MRRF: variants seen among roughly 807,000 people sequenced by gnomAD.
MRRF encodes the protein mitochondrial ribosome recycling factor.
In MRRF, 18 loss-of-function variants were observed where a neutral mutation model predicts 25.1. The observed-to-expected ratio is 0.72, with a 90% CI of 0.50 to 1.06. MRRF has a LOEUF of 1.06. MRRF is among the 50% of genes least tolerant of loss of function. MRRF has a pLI of 0.00. For synonymous variants in MRRF, 113 were observed against 112.1 expected (o/e 1.01, Z -0.05); for missense variants, 323 against 319.3 (o/e 1.01, Z -0.09).
At chr9:122,275,937 T>C (rs1031192019) in intron 2 of MRRF, among the ~76,000 whole-genome samples, 1 of 152,104 alleles carries the variant, frequency 6.6e-6, no homozygotes, top group Admixed American at 6.6e-5. Context: ...AGATGGAGTC[T>C]CCCTCTGTCA....
At chr9:122,290,733 A>G (rs1235128867) in intron 4 of MRRF, among the ~76,000 whole-genome samples, 1 of 152,180 alleles carries the variant, frequency 6.6e-6, no homozygotes, top group East Asian at 1.9e-4. Context: ...CATGAGTTCC[A>G]CATTGTCATG....
intron 1 of MRRF, chr9:122,265,577 C>G: frequency 2.6e-6 from 1 of 380,080 alleles, no homozygotes; most frequent in South Asian, 2.0e-5. Context: ...TTAAACCACA[C>G]TGTTGCATTT....
intron 5 of MRRF, among the ~76,000 whole-genome samples, chr9:122,296,783 T>C (rs1368490117): frequency 6.6e-6 from 1 of 152,218 alleles, no homozygotes; most frequent in African/African-American, 2.4e-5. Flanking sequence ...CCCTTACTCA[T>C]TGTTTTACCA....
intron 2 of MRRF, among the ~76,000 whole-genome samples, chr9:122,278,155 A>G (rs900949933): frequency 6.6e-6 from 1 of 150,618 alleles, no homozygotes; most frequent in Admixed American, 6.6e-5. Flanking sequence ...CTCTTTTTTA[A>G]ATTCTGCTGA....
intron 1 of MRRF, among the ~76,000 whole-genome samples, chr9:122,270,274 G>T (rs1377077158): frequency 6.6e-6 from 1 of 152,232 alleles, no homozygotes; most frequent in Non-Finnish European, 1.5e-5. Context: ...GTTAACACAG[G>T]AGAGGGTGGC....
At position 122,327,968 on chromosome 9, in the gene MRRF, T is replaced by C. The variant is rs957157001; in HGVS notation, c.*5351T>C. On this transcript the variant is annotated 3_prime_UTR_variant, in exon 7 of 7. Transcript: ENST00000344641. ...TGTAAAATATACATAAAATTTACTC[T>C]CTTAACCATGTTTTTTTTTTAGACA... The C allele has an allele frequency of 1.3e-5, 2 of 152,034 alleles. No individual in the cohort carries two copies. The highest frequency in any genetic ancestry group is 2.9e-5 in the Non-Finnish European group (2 of 68,012). The allele number at this position is 152,034 out of a possible 1,614,324, so 9.4% of individuals were successfully genotyped here.
chr9:122,300,996 G>A lies in MRRF; in HGVS notation c.551+9156G>A, dbSNP rs150415062. ...CTTGGCACTCTCAGCCCACTGAACC[G>A]CTTCCTAAAGCTTCAAGATCGTTAG... is the stretch of plus-strand genomic sequence containing the variant. On this transcript the variant is annotated intron_variant, in intron 5 of 6. Coordinates refer to ENST00000344641, the MANE Select transcript of MRRF (RefSeq NM_138777.5). Among the ~76,000 whole-genome samples the A allele has an allele frequency of 5.5e-3, 843 of 152,216 alleles. 3 individuals are homozygous for A. Among genetic ancestry groups the A allele is most frequent in the Non-Finnish European group, 9.4e-3 (640 of 67,994 alleles).
chr9:122,313,388 TAC>T lies in MRRF; in HGVS notation c.711+3_711+4del. The T allele has an allele frequency of 1.9e-6, 3 of 1,613,798 alleles. No individual in the cohort carries two copies. The highest frequency in any genetic ancestry group is 2.5e-6 in the Non-Finnish European group (3 of 1,179,732). Reference sequence around the variant, plus strand: ...ACCATTAGGCTAATAGAGAAACAGGTACTATTGCCAGCAATGTAGTAGTGTCT... The same window carrying T: ...ACCATTAGGCTAATAGAGAAACAGGTTATTGCCAGCAATGTAGTAGTGTCT... On this transcript the variant is annotated splice_donor_region_variant and intron_variant, in intron 6 of 6. Transcript: ENST00000344641.
chr9:122,313,652 T>C (rs1318493872), intron 6 of MRRF, among the ~76,000 whole-genome samples: 2 of 152,094 alleles, frequency 1.3e-5, no homozygotes, highest in African/African-American at 2.4e-5. Context: ...AACTATGAGG[T>C]AGGTAGTAAG....
rs1833028611 is a variant in MRRF, at chr9:122,280,426, G to A, written c.185-17G>A. 14 of 1,613,962 alleles carry A rather than the reference G, an allele frequency of 8.7e-6. No individual in the cohort carries two copies. The highest frequency in any genetic ancestry group is 1.2e-5 in the Non-Finnish European group (14 of 1,179,872). On this transcript the variant is annotated splice_polypyrimidine_tract_variant and intron_variant, in intron 2 of 6. Transcript: ENST00000344641. ...TTATGCTGCTGTTGTTTTATTCACT[G>A]AATGTTCACTTTTTAGCCAAAGGGA...
At chr9:122,278,907 T>C (rs1055868339) in intron 2 of MRRF, among the ~76,000 whole-genome samples, 2 of 152,280 alleles carry the variant, frequency 1.3e-5, no homozygotes, top group Admixed American at 1.3e-4. Flanking sequence ...TTCTTTGATC[T>C]GTCGCCCAGG....
In MRRF at chr9:122,324,284, GGGAAACA is replaced by G. The variant is rs1836044210; in HGVS notation, c.*1668_*1674del. 2.0e-5 allele frequency: 3 copies of G among 152,276 alleles called. No individual in the cohort carries two copies. The East Asian group carries it at 5.8e-4, about 29-fold the overall frequency. The allele number at this position is 152,276 out of a possible 1,614,324, so 9.4% of individuals were successfully genotyped here. ...TTCCTAGGACAGCTCACACAACTCAGGGAAACACGTTCACTGGTTTATTATAAAAGAT... is the reference window on the plus strand; with the variant it reads ...TTCCTAGGACAGCTCACACAACTCAGCGTTCACTGGTTTATTATAAAAGAT... On this transcript the variant is annotated 3_prime_UTR_variant, in exon 7 of 7. Transcript: ENST00000344641.
chr9:122,315,715 G>A (rs143365879), intron 6 of MRRF, among the ~76,000 whole-genome samples: 246 of 152,070 alleles, frequency 1.6e-3, no homozygotes, highest in African/African-American at 5.7e-3. Context: ...TCTCCTAGGG[G>A]ATTTCTTCAC....
intron 2 of MRRF, among the ~76,000 whole-genome samples, chr9:122,271,658 C>T (rs1265473739): frequency 6.6e-6 from 1 of 152,196 alleles, no homozygotes; most frequent in African/African-American, 2.4e-5. Context: ...CTTAGAACAG[C>T]AGTGATTAAT....
At position 122,316,538 on chromosome 9, in the gene MRRF, G is replaced by A. The variant is rs140695694; in HGVS notation, c.711+3152G>A. On this transcript the variant is annotated intron_variant, in intron 6 of 6. Transcript: ENST00000344641. ...GTCATAGAGTTAAAAGTTTGGAACA[G>A]TAGAGAGCCTTATATATACTTCATG... is the stretch of plus-strand genomic sequence containing the variant. Among the ~76,000 whole-genome samples the A allele has an allele frequency of 2.8e-3, 420 of 152,206 alleles. 3 individuals carry two copies. Among genetic ancestry groups the A allele is most frequent in the African/African-American group, 9.8e-3 (407 of 41,526 alleles).
chr9:122,285,216 T>G lies in MRRF; in HGVS notation c.388T>G (p.Leu130Val). Residue 130 changes from leucine to valine, a missense_variant, in exon 4 of 7, where the codon TTA (leucine) becomes GTA (valine). Physicochemically the swap from Leu to Val is conservative, Grantham distance 32. Coordinates refer to ENST00000344641, the MANE Select transcript of MRRF (RefSeq NM_138777.5). ...GGTAACTGCTGACGGGAAGCTTGCT[T>G]TAAACCAGATTAGCCAGATCTCCAT... The part of the protein sequence containing the change: ...AVVTADGKLA[L>V]NQISQISMKS... The G allele has an allele frequency of 6.2e-7, 1 of 1,614,064 alleles. No homozygotes were observed. Among genetic ancestry groups the G allele is most frequent in the Admixed American group, 1.7e-5 (1 of 60,022 alleles).
intron 6 of MRRF, among the ~76,000 whole-genome samples, chr9:122,318,433 C>T (rs184153477): frequency 1.3e-4 from 20 of 152,360 alleles, no homozygotes; most frequent in Admixed American, 3.9e-4. Context: ...CCCTGAGAAA[C>T]AGTGCTGCTC....
intron 3 of MRRF, among the ~76,000 whole-genome samples, chr9:122,283,849 T>C (rs1588027208): frequency 6.6e-6 from 1 of 152,256 alleles, no homozygotes; most frequent in East Asian, 1.9e-4. Context: ...CTTTTCCATC[T>C]GTAACTGTGG....
At chr9:122,297,154 A>G (rs1449395691) in intron 5 of MRRF, among the ~76,000 whole-genome samples, 1 of 152,146 alleles carries the variant, frequency 6.6e-6, no homozygotes, top group African/African-American at 2.4e-5. Context: ...CTCTACTAAA[A>G]ATACAAAAAT....
Sources: gnomAD v4.1 joint callset for allele counts (sites outside exome capture counted in the v4.1 genomes callset) on GRCh38, gnomAD v4.1.1 for gene constraint, MANE v1.5 for transcripts, NCBI Gene and HGNC (gene_info 2026-07-23, HGNC 2026-07-21) for gene names.